GREB1: variants seen among roughly 807,000 people sequenced by gnomAD.
GREB1 encodes protein GREB1.
A neutral mutation model predicts 200.7 loss-of-function variants in GREB1; 106 were observed. The observed-to-expected ratio is 0.53, with a 90% CI of 0.45 to 0.62. The LOEUF (loss-of-function observed/expected upper bound fraction) is 0.62. Ranked by LOEUF, GREB1 falls within the 20% of genes least tolerant of loss-of-function variation. The pLI is 0.00. For synonymous variants in GREB1, 1,132 were observed against 1,092.4 expected, an observed-to-expected ratio of 1.04 and a Z score of -0.72; for missense variants, 2,243 against 2,556.8, an observed-to-expected ratio of 0.88 and a Z score of 2.65.
chr2:11,634,013 C>T (rs911975654), intron 28 of GREB1, 118 bp from the exon 29 acceptor site: 4 of 943,184 alleles, frequency 4.2e-6, no homozygotes, highest in Non-Finnish European at 6.8e-6. Context: ...CTGTGCGGGG[C>T]ACCGGCCCGT....
At chr2:11,635,708 C>T (rs1328275460) in intron 30 of GREB1, among the ~76,000 whole-genome samples, 1 of 152,230 alleles carries the variant, frequency 6.6e-6, no homozygotes, top group African/African-American at 2.4e-5. Flanking sequence ...CCACGCTCTT[C>T]CTTGGGCCCC....
rs1193482536 is a variant in GREB1 at position 11,614,151 on chromosome 2, G to A, written c.3123-940G>A. Among the ~76,000 whole-genome samples the A allele has an allele frequency of 5.5e-5, 8 of 145,496 alleles. No individual in the cohort carries two copies. The East Asian group carries it at 6.0e-4, about 11-fold the overall frequency. On this transcript the variant is annotated intron_variant, in intron 19 of 32. Coordinates refer to ENST00000381486, the MANE Select transcript of GREB1 (RefSeq NM_014668.4). ...TTTTTTTTTTTTTTTTTTTGAGACG[G>A]AGTCTCACTCTGTTGCCCAGGCTGG...
chr2:11,613,508 A>G (rs189311920), intron 19 of GREB1, among the ~76,000 whole-genome samples: 3 of 152,196 alleles, frequency 2.0e-5, no homozygotes, highest in African/African-American at 7.2e-5. Flanking sequence ...TACTGAGATT[A>G]AGCCAGTCTG....
chr2:11,589,097 C>G (rs1279742591), intron 10 of GREB1, among the ~76,000 whole-genome samples, 166 bp downstream of exon 10: 1 of 152,184 alleles, frequency 6.6e-6, no homozygotes. Flanking sequence ...GTGGGCGTCC[C>G]CACACTGGGG....
At chr2:11,500,961 A>G (rs1673021833) in intron 1 of GREB1, among the ~76,000 whole-genome samples, 1 of 152,176 alleles carries the variant, frequency 6.6e-6, no homozygotes. Context: ...TTCAGGAGAC[A>G]CCATTTCACT....
chr2:11,575,863 C>G (rs191588447), intron 4 of GREB1, among the ~76,000 whole-genome samples: 6 of 152,298 alleles, frequency 3.9e-5, no homozygotes, highest in Admixed American at 2.6e-4. Flanking sequence ...TGGCTCTTGT[C>G]TTGCAAAGTT....
chr2:11,544,252 A>G (rs541253346), intron 1 of GREB1, among the ~76,000 whole-genome samples: 1 of 151,994 alleles, frequency 6.6e-6, no homozygotes, highest in Non-Finnish European at 1.5e-5. Flanking sequence ...GTCTTGCTCA[A>G]GTTGCCCAGG....
chr2:11,576,792 T>C (rs910970082), intron 5 of GREB1, among the ~76,000 whole-genome samples: 4 of 151,860 alleles, frequency 2.6e-5, no homozygotes, highest in African/African-American at 9.7e-5. Context: ...TCCCAGCACT[T>C]AGGGAGGCTG....
At chr2:11,613,549 G>A (rs935478326) in intron 19 of GREB1, among the ~76,000 whole-genome samples, 1 of 152,156 alleles carries the variant, frequency 6.6e-6, no homozygotes, top group Non-Finnish European at 1.5e-5. Flanking sequence ...CTTCCCCCAG[G>A]AGCACCCCAC....
In GREB1 at chr2:11,514,959, TATCCATCC is replaced by T. The variant is rs553505477; in HGVS notation, c.-159+32599_-159+32606del. On this transcript the variant is annotated intron_variant, in intron 1 of 2. Transcript: ENST00000628795. ...TCCATCTTCCCATCTCTTCCTCCAC[TATCCATCC>T]ATCCATCCATCCATCCATCCGCGCA... 4.9e-3 allele frequency among the ~76,000 whole-genome samples: 743 copies of T among 151,990 alleles called. 4 individuals are homozygous for T. The highest frequency in any genetic ancestry group is 0.017 in the African/African-American group (702 of 41,460).
At chr2:11,599,980 A>G (rs1235359654) in intron 15 of GREB1, among the ~76,000 whole-genome samples, 1 of 152,170 alleles carries the variant, frequency 6.6e-6, no homozygotes, top group Non-Finnish European at 1.5e-5. Context: ...GTACCTTCAG[A>G]CATTTCCACT....
chr2:11,538,911 C>CTT (rs1558511987), intron 1 of GREB1, among the ~76,000 whole-genome samples: 55 of 45,376 alleles, frequency 1.2e-3, no homozygotes, highest in Non-Finnish European at 1.5e-3. Context: ...TCCTTCCTTC[C>CTT]CCCTCCCCTC....
At chr2:11,547,649 GA>G (rs1279287382) in intron 1 of GREB1, among the ~76,000 whole-genome samples, 1 of 152,076 alleles carries the variant, frequency 6.6e-6, no homozygotes, top group Non-Finnish European at 1.5e-5. Flanking sequence ...AATGAAAAAT[GA>G]AAATGAAAAA....
rs1030968494 is a variant in GREB1 at position 11,584,958 on chromosome 2, C to T, written c.902-203C>T. The T allele has an allele frequency of 3.3e-5, 14 of 428,894 alleles. No homozygotes were observed. The South Asian group carries it at 4.6e-4, about 14-fold the overall frequency. 26.6% of individuals were successfully genotyped at this position (428,894 alleles called of 1,614,324 possible). Reference sequence around the variant, plus strand: ...CCAGGTTGCCTAAGGAGGGGTGAACCGGTCCAGGTCGGAATGAAACATTTA... The same window carrying T: ...CCAGGTTGCCTAAGGAGGGGTGAACTGGTCCAGGTCGGAATGAAACATTTA... On this transcript the variant is annotated intron_variant, in intron 7 of 32. Transcript: ENST00000381486.
chr2:11,604,082 A>G (rs1328252420), intron 17 of GREB1, among the ~76,000 whole-genome samples: 1 of 152,184 alleles, frequency 6.6e-6, no homozygotes, highest in African/African-American at 2.4e-5. Flanking sequence ...CCACCATGCC[A>G]ATACATCTTG....
At chr2:11,592,660 T>C in intron 10 of GREB1, 116 bp from the exon 11 acceptor site, 1 of 637,358 alleles carries the variant, frequency 1.6e-6, no homozygotes, top group Non-Finnish European at 2.5e-6. Context: ...GCTCCAGCCA[T>C]CTGTGATACG....
chr2:11,580,422 TTGTGCA>T lies in GREB1; in HGVS notation c.773-277_773-272del, dbSNP rs1679349468. ...GGAGTGCATGTATATAGGCATGTGTTTGTGCATGTGTATGTGTGTACATGTTTGTGC... is the reference window on the plus strand; with the variant it reads ...GGAGTGCATGTATATAGGCATGTGTTTGTGTATGTGTGTACATGTTTGTGC... On this transcript the variant is annotated intron_variant, in intron 6 of 32. Coordinates refer to ENST00000381486, the MANE Select transcript of GREB1 (RefSeq NM_014668.4). The surrounding 1 kb of genome is among the most constrained non-coding windows in gnomAD (Gnocchi z 4.5). Among the ~76,000 whole-genome samples the T allele has an allele frequency of 6.6e-6, 1 of 152,064 alleles. No homozygotes were observed. Among genetic ancestry groups the T allele is most frequent in the Non-Finnish European group, 1.5e-5 (1 of 68,002 alleles).
chr2:11,611,127 C>A (rs1682886775), intron 18 of GREB1, 100 bp downstream of exon 18: 4 of 1,036,246 alleles, frequency 3.9e-6, no homozygotes, highest in Non-Finnish European at 4.2e-6. Context: ...CACAGCGTGG[C>A]CAACGTGGCT....
intron 1 of GREB1, chr2:11,542,564 C>T (rs999695799): frequency 3.2e-4 from 43 of 132,530 alleles, no homozygotes; most frequent in African/African-American, 9.7e-4. Flanking sequence ...GACACACTCC[C>T]TGTGGCCCCA....
Sources: gnomAD v4.1 joint callset for allele counts (sites outside exome capture counted in the v4.1 genomes callset) on GRCh38, gnomAD v4.1.1 for gene constraint, Gnocchi (gnomAD v3.1) non-coding constraint, MANE v1.5 for transcripts, NCBI Gene and HGNC (gene_info 2026-07-23, HGNC 2026-07-21) for gene names.